Variants in RORB observed in about 807,000 individuals in gnomAD.
RORB encodes nuclear receptor ROR-beta.
RORB carries 6 observed loss-of-function variants against 59.1 expected under a neutral mutation model. The ratio of observed to expected loss-of-function variants is 0.10; its 90% confidence interval spans 0.06 to 0.20. The LOEUF (loss-of-function observed/expected upper bound fraction) is 0.20. Ranked by LOEUF, RORB falls within the 10% of genes least tolerant of loss-of-function variation. RORB has a pLI of 1.00. For missense variants in RORB, 320 were observed against 560.5 expected, an observed-to-expected ratio of 0.57 and a Z score of 4.33; for synonymous variants, 215 against 204.5, an observed-to-expected ratio of 1.05 and a Z score of -0.44.
chr9:74,670,967 T>C (rs1346867012), intron 8 of RORB, among the ~76,000 whole-genome samples: 1 of 152,094 alleles, frequency 6.6e-6, no homozygotes, highest in Non-Finnish European at 1.5e-5. Context: ...TTTCCATGAG[T>C]ATTTGTTCGG....
At chr9:74,564,345 C>A (rs909276769) in intron 1 of RORB, among the ~76,000 whole-genome samples, 2 of 152,212 alleles carry the variant, frequency 1.3e-5, no homozygotes, top group Non-Finnish European at 2.9e-5. Flanking sequence ...GAAGCATAAG[C>A]ATTTGTGTTT....
intron 1 of RORB, among the ~76,000 whole-genome samples, chr9:74,603,644 A>G (rs1293465163): frequency 6.6e-6 from 1 of 152,262 alleles, no homozygotes; most frequent in Non-Finnish European, 1.5e-5. Flanking sequence ...TGTAAGAATA[A>G]GGACAAATTC....
At chr9:74,593,526 C>G (rs1352478062) in intron 1 of RORB, among the ~76,000 whole-genome samples, 1 of 150,630 alleles carries the variant, frequency 6.6e-6, no homozygotes. Flanking sequence ...AAATAGGTAG[C>G]AAAGTTCATT....
chr9:74,670,312 G>A (rs1252477235), intron 8 of RORB, among the ~76,000 whole-genome samples: 4 of 152,152 alleles, frequency 2.6e-5, no homozygotes, highest in Admixed American at 1.3e-4. Flanking sequence ...CCAAGGAAGC[G>A]TTAGAAAGAG....
At chr9:74,670,517 T>C (rs1272557165) in intron 8 of RORB, among the ~76,000 whole-genome samples, 1 of 152,182 alleles carries the variant, frequency 6.6e-6, no homozygotes, top group East Asian at 1.9e-4. Flanking sequence ...AAACATACTA[T>C]CATCATTAAA....
intron 1 of RORB, among the ~76,000 whole-genome samples, chr9:74,556,362 G>C (rs1398363566): frequency 6.6e-6 from 1 of 152,136 alleles, no homozygotes; most frequent in South Asian, 2.1e-4. Context: ...AGAGTAAAAT[G>C]AGCCTTTCAA....
chr9:74,506,229 C>A (rs554480995), intron 1 of RORB, among the ~76,000 whole-genome samples: 1 of 152,034 alleles, frequency 6.6e-6, no homozygotes, highest in African/African-American at 2.4e-5. Context: ...TATCTGAAGG[C>A]CACAATGATG....
chr9:74,597,831 G>A (rs1050585738), intron 1 of RORB, among the ~76,000 whole-genome samples: 7 of 151,922 alleles, frequency 4.6e-5, no homozygotes, highest in South Asian at 2.1e-4. Context: ...GGGGGCAGGC[G>A]CCTGTAATCC....
At chr9:74,629,112 A>G (rs1457911773) in intron 1 of RORB, among the ~76,000 whole-genome samples, 1 of 151,924 alleles carries the variant, frequency 6.6e-6, no homozygotes, top group Non-Finnish European at 1.5e-5. Flanking sequence ...TTTTTTAATC[A>G]TATAATCTAG....
At chr9:74,659,287 G>C (rs951197577) in intron 4 of RORB, among the ~76,000 whole-genome samples, 3 of 152,194 alleles carry the variant, frequency 2.0e-5, no homozygotes, top group Non-Finnish European at 4.4e-5. Flanking sequence ...AGATAGAAAG[G>C]AGACAGCCAA....
chr9:74,518,401 G>A (rs1826039114), intron 1 of RORB, among the ~76,000 whole-genome samples: 1 of 151,978 alleles, frequency 6.6e-6, no homozygotes, highest in African/African-American at 2.4e-5. Context: ...GAATTAATTT[G>A]AGAACATGTG....
chr9:74,607,924 G>A (rs1462776133), intron 1 of RORB, among the ~76,000 whole-genome samples: 1 of 152,110 alleles, frequency 6.6e-6, no homozygotes, highest in Admixed American at 6.5e-5. Context: ...AGACATATGG[G>A]CTGGAGGGAA....
At chr9:74,522,377 C>G (rs149580288) in intron 1 of RORB, among the ~76,000 whole-genome samples, 3 of 151,646 alleles carry the variant, frequency 2.0e-5, no homozygotes, top group African/African-American at 4.8e-5. Context: ...ATCTTACAAG[C>G]ATTAGAAAAA....
At chr9:74,683,758 C>T (rs940360464) in intron 9 of RORB, among the ~76,000 whole-genome samples, 2 of 152,130 alleles carry the variant, frequency 1.3e-5, no homozygotes, top group African/African-American at 4.8e-5. Flanking sequence ...ATTTTTCCTC[C>T]CGCTATTCTT....
At chr9:74,541,303 A>G (rs1826404349) in intron 1 of RORB, among the ~76,000 whole-genome samples, 1 of 147,878 alleles carries the variant, frequency 6.8e-6, no homozygotes, top group African/African-American at 2.5e-5. Flanking sequence ...AAAAAAAAAA[A>G]AAAGTAAAGG....
intron 1 of RORB, among the ~76,000 whole-genome samples, chr9:74,623,994 C>T (rs1823467020): frequency 1.3e-5 from 2 of 152,096 alleles, no homozygotes; most frequent in Non-Finnish European, 2.9e-5. Context: ...ATTTGTTGGT[C>T]TCATGTTCTG....
chr9:74,638,759 T>TATCA (rs1823744865), intron 3 of RORB, among the ~76,000 whole-genome samples: 5 of 152,332 alleles, frequency 3.3e-5, no homozygotes, highest in African/African-American at 9.6e-5. Flanking sequence ...TTCCCAAATT[T>TATCA]GTCACCACTG....
intron 4 of RORB, among the ~76,000 whole-genome samples, chr9:74,657,451 G>C (rs11144043): frequency 0.19 from 28,941 of 152,080 alleles, 2,879 homozygotes; most frequent in Middle Eastern, 0.26. Flanking sequence ...GATATAAGAT[G>C]TAATGTCAGA....
At chr9:74,571,496 T>C (rs1199860279) in intron 1 of RORB, among the ~76,000 whole-genome samples, 6 of 152,146 alleles carry the variant, frequency 3.9e-5, no homozygotes, top group African/African-American at 9.6e-5. Context: ...CTGTCTCACA[T>C]TTTTACTTGA....
Sources: allele counts gnomAD v4.1 joint callset (sites outside exome capture counted in the v4.1 genomes callset), GRCh38; gene constraint gnomAD v4.1.1; transcripts MANE v1.5; gene names NCBI Gene and HGNC (gene_info 2026-07-23, HGNC 2026-07-21).